RUNDC3B: variants seen among roughly 807,000 people sequenced by gnomAD.
RUNDC3B encodes RUN domain containing 3B, also known as RUN domain-containing protein 3B.
RUNDC3B carries 33 observed loss-of-function variants against 58.4 expected under a neutral mutation model. That is an observed-to-expected ratio of 0.56 (90% CI 0.43 to 0.75). The LOEUF (loss-of-function observed/expected upper bound fraction) is 0.75. Ranked by LOEUF, RUNDC3B falls within the 30% of genes least tolerant of loss-of-function variation. RUNDC3B has a pLI of 0.00. For synonymous variants in RUNDC3B, 193 were observed against 195.2 expected, an observed-to-expected ratio of 0.99 and a Z score of 0.10; for missense variants, 501 against 535.7, an observed-to-expected ratio of 0.94 and a Z score of 0.64.
intron 2 of RUNDC3B, among the ~76,000 whole-genome samples, chr7:87,674,176 A>G (rs1826095646): frequency 6.6e-6 from 1 of 152,144 alleles, no homozygotes; most frequent in Non-Finnish European, 1.5e-5. Context: ...AGTGGGATTC[A>G]TGCTCCTTCA....
chr7:87,824,027 T>C (rs1163074984), intron 10 of RUNDC3B, among the ~76,000 whole-genome samples: 2 of 152,226 alleles, frequency 1.3e-5, no homozygotes, highest in Non-Finnish European at 2.9e-5. Flanking sequence ...TAAAGCCATA[T>C]AATTTCTGTA....
intron 4 of RUNDC3B, among the ~76,000 whole-genome samples, chr7:87,733,179 A>T (rs1472163226): frequency 6.6e-6 from 1 of 152,092 alleles, no homozygotes; most frequent in African/African-American, 2.4e-5. Context: ...GTCGCATTCC[A>T]TTCCTAGAGC....
At chr7:87,764,338 G>A (rs998565657) in intron 6 of RUNDC3B, among the ~76,000 whole-genome samples, 4 of 151,826 alleles carry the variant, frequency 2.6e-5, no homozygotes, top group Admixed American at 6.6e-5. Context: ...TTAATTTAAA[G>A]TATCAAATCA....
In RUNDC3B at chr7:87,628,639, A is replaced by T; in HGVS notation, c.-185A>T. 5.9e-6 allele frequency: 2 copies of T among 340,402 alleles called. No homozygotes were observed. The highest frequency in any genetic ancestry group is 5.1e-6 in the Non-Finnish European group (1 of 194,362). The allele number at this position is 340,402 out of a possible 1,614,324, so 21.1% of individuals were successfully genotyped here. On this transcript the variant is annotated 5_prime_UTR_variant, in exon 1 of 11. Transcript: ENST00000394654. ...TGTGTGTGTGTGGAGCTCGGGTGCC[A>T]AGGGCGAGCCGTCAGTCCCCGGGTG...
intron 2 of RUNDC3B, among the ~76,000 whole-genome samples, chr7:87,664,292 T>C (rs1329491096): frequency 6.6e-6 from 1 of 152,070 alleles, no homozygotes; most frequent in Non-Finnish European, 1.5e-5. Context: ...TACCTGGAGA[T>C]AGCAGCTGCA....
Position 87,778,533 on chromosome 7 carries a change from C to T in RUNDC3B, c.956+578C>T, listed in dbSNP as rs568029239. The stretch of plus-strand genomic sequence containing the variant: ...GTTACCCAGCATAAACTGGTTATAA[C>T]TTGGTGTATATTATTCCAAATGCAT... On this transcript the variant is annotated intron_variant, in intron 8 of 10. Coordinates refer to ENST00000394654, the MANE Select transcript of RUNDC3B (RefSeq NM_001134405.2). Among the ~76,000 whole-genome samples, 6 of 151,466 alleles carry T rather than the reference C, an allele frequency of 4.0e-5. No homozygotes were observed. In the South Asian group the frequency reaches 1.2e-3, roughly 32 times the overall value.
chr7:87,672,001 T>G (rs758272153), intron 2 of RUNDC3B, among the ~76,000 whole-genome samples: 100 of 152,128 alleles, frequency 6.6e-4, no homozygotes, highest in Admixed American at 1.3e-4. Context: ...TTTGGCCGCA[T>G]TTTGGTAGAG....
intron 2 of RUNDC3B, among the ~76,000 whole-genome samples, chr7:87,656,827 A>G (rs774808477): frequency 6.6e-6 from 1 of 152,338 alleles, no homozygotes; most frequent in Non-Finnish European, 1.5e-5. Context: ...CAAGTTACTC[A>G]TTCAAAAACA....
chr7:87,711,081 C>A lies in RUNDC3B; in HGVS notation c.458+426C>A, dbSNP rs796356191. On this transcript the variant is annotated intron_variant, in intron 4 of 10. Coordinates refer to ENST00000394654, the MANE Select transcript of RUNDC3B (RefSeq NM_001134405.2). ...GTGGCTCACACCTATAATCCCAGCA[C>A]TTTGGGAGGCCGAGGCTGGCAGATC... Among the ~76,000 whole-genome samples the A allele has an allele frequency of 3.3e-5, 5 of 152,034 alleles. No individual in the cohort carries two copies. The South Asian group carries it at 8.3e-4, about 25-fold the overall frequency.
In RUNDC3B at chr7:87,660,358, C is replaced by G. The variant is rs28381747; in HGVS notation, c.238+9421C>G. Reference sequence around the variant, plus strand: ...GTATTCTCCTTAAAGTTGTCAATGTCTTCTATCCCATATACTCTCAATTTT... The same window carrying G: ...GTATTCTCCTTAAAGTTGTCAATGTGTTCTATCCCATATACTCTCAATTTT... On this transcript the variant is annotated intron_variant, in intron 2 of 10. Transcript: ENST00000394654. Among the ~76,000 whole-genome samples the G allele has an allele frequency of 3.6e-3, 553 of 152,028 alleles. 7 individuals are homozygous for G. Among genetic ancestry groups the G allele is most frequent in the African/African-American group, 0.012 (514 of 41,496 alleles).
At chr7:87,678,817 C>T (rs78329595) in intron 2 of RUNDC3B, among the ~76,000 whole-genome samples, 3,930 of 152,034 alleles carry the variant, frequency 0.026, 167 homozygotes, top group African/African-American at 0.089. Flanking sequence ...ACAAAGAAAA[C>T]TGACAGGGAT....
intron 8 of RUNDC3B, among the ~76,000 whole-genome samples, chr7:87,797,694 C>A (rs540711368): frequency 2.8e-4 from 42 of 151,644 alleles, no homozygotes; most frequent in Non-Finnish European, 5.3e-4. Flanking sequence ...TGGTGGTTGC[C>A]CTGAAATTCA....
chr7:87,699,976 A>C (rs1237939315), intron 2 of RUNDC3B, among the ~76,000 whole-genome samples: 2 of 152,142 alleles, frequency 1.3e-5, no homozygotes, highest in Non-Finnish European at 2.9e-5. Context: ...CCTTATGAAG[A>C]GGAGAAAAGA....
intron 6 of RUNDC3B, among the ~76,000 whole-genome samples, chr7:87,753,785 A>G (rs1833179591): frequency 1.3e-5 from 2 of 152,194 alleles, no homozygotes; most frequent in South Asian, 4.1e-4. Context: ...CTGGAAATGT[A>G]TGCTAGTCTC....
intron 1 of RUNDC3B, among the ~76,000 whole-genome samples, chr7:87,630,245 A>G (rs1821078913): frequency 1.3e-5 from 2 of 152,228 alleles, no homozygotes; most frequent in South Asian, 4.1e-4. Flanking sequence ...GAATACAGAT[A>G]ATTATTCCAG....
chr7:87,693,904 A>T (rs753556115), intron 2 of RUNDC3B: 129 of 1,569,062 alleles, frequency 8.2e-5, no homozygotes, highest in African/African-American at 2.2e-4. Context: ...TTTTTTTTTT[A>T]AAGAGATTTC....
chr7:87,659,705 C>T (rs890257488), intron 2 of RUNDC3B, among the ~76,000 whole-genome samples: 1 of 152,112 alleles, frequency 6.6e-6, no homozygotes, highest in Admixed American at 6.6e-5. Context: ...TAAAAAGAAA[C>T]CCAGGGAACT....
At chr7:87,647,606 C>A (rs774440008) in intron 1 of RUNDC3B, among the ~76,000 whole-genome samples, 27 of 152,060 alleles carry the variant, frequency 1.8e-4, no homozygotes, top group Non-Finnish European at 4.4e-5. Context: ...TTGCATGGTT[C>A]CAGTATTTCA....
At chr7:87,659,658 G>A (rs1037699620) in intron 2 of RUNDC3B, among the ~76,000 whole-genome samples, 3 of 152,052 alleles carry the variant, frequency 2.0e-5, no homozygotes, top group African/African-American at 7.2e-5. Flanking sequence ...GATACAGTTT[G>A]CTAATTTGTC....
Sources: allele counts gnomAD v4.1 joint callset (sites outside exome capture counted in the v4.1 genomes callset), GRCh38; gene constraint gnomAD v4.1.1; transcripts MANE v1.5; gene names NCBI Gene and HGNC (gene_info 2026-07-23, HGNC 2026-07-21).